The following CALR3 variants were observed in gnomAD, a reference collection of about 807,000 sequenced individuals.
CALR3 encodes calreticulin-3.
In CALR3, 39 loss-of-function variants were observed where a neutral mutation model predicts 48.7. The observed-to-expected ratio is 0.80, with a 90% CI of 0.62 to 1.05. The LOEUF is 1.05. Ranked by LOEUF, CALR3 falls within the 50% of genes least tolerant of loss-of-function variation. The probability of loss-of-function intolerance (pLI) is 0.00; values close to 1 mark genes in which losing one functional copy is unlikely to be tolerated. For missense variants in CALR3, 449 were observed against 474.7 expected, an observed-to-expected ratio of 0.95 and a Z score of 0.50; for synonymous variants, 185 against 172.7, an observed-to-expected ratio of 1.07 and a Z score of -0.56.
chr19:16,485,909 T>G (rs2093388357), intron 3 of CALR3, among the ~76,000 whole-genome samples: 2 of 152,026 alleles, frequency 1.3e-5, no homozygotes, highest in Admixed American at 1.3e-4. Flanking sequence ...TTGCCTGCCT[T>G]GGCCTCCCAA....
rs751533235 is a variant in CALR3 at position 16,485,122 on chromosome 19, C to T, written c.492+41G>A. ...ACTATTTTTTCTAAACTTAGTCTGG[C>T]AGGAGTTAACACTCATTTATTTGAA... On this transcript the variant is annotated intron_variant, in intron 4 of 8. Coordinates refer to ENST00000269881, the MANE Select transcript of CALR3 (RefSeq NM_145046.5). The T allele has an allele frequency of 4.6e-6, 6 of 1,304,232 alleles. No homozygotes were observed. The South Asian group carries it at 5.9e-5, about 13-fold the overall frequency. The allele number at this position is 1,304,232 out of a possible 1,614,324, so 80.8% of individuals were successfully genotyped here. A position where few individuals can be genotyped will look rare whatever the true frequency, so the allele number is the denominator to read the frequency against.
Position 16,480,618 on chromosome 19 carries a change from G to T in CALR3, c.1007C>A (p.Thr336Asn), listed in dbSNP as rs761312779. The T allele has an allele frequency of 3.1e-6, 5 of 1,608,254 alleles. No individual in the cohort carries two copies. Among genetic ancestry groups the T allele is most frequent in the Admixed American group, 1.7e-5 (1 of 59,968 alleles). The change falls in exon 8 of 9, where the codon ACC (threonine) becomes AAC (asparagine). Residue 336 changes from threonine to asparagine, a missense_variant. Coordinates refer to ENST00000269881, the MANE Select transcript of CALR3 (RefSeq NM_145046.5). ...DNFGKATWGE[T>N]KGPEREMDAI... is the part of the protein sequence containing the mutation. The stretch of plus-strand genomic sequence containing the variant: ...AGTTAATCACGTGCTTCATACCTTG[G>T]TTTCGCCCCAGGTGGCCTTGCCAAA...
At chr19:16,488,337 C>T (rs1599720091) in intron 3 of CALR3, among the ~76,000 whole-genome samples, 1 of 152,124 alleles carries the variant, frequency 6.6e-6, no homozygotes, top group African/African-American at 2.4e-5. Context: ...TCCTGCCTGG[C>T]CTCCCAAAAG....
intron 5 of CALR3, among the ~76,000 whole-genome samples, chr19:16,483,022 T>A (rs1235470337): frequency 6.6e-6 from 1 of 151,972 alleles, no homozygotes; most frequent in Non-Finnish European, 1.5e-5. Flanking sequence ...TATTTTTATG[T>A]TTTGTACAGT....
Position 16,495,813 on chromosome 19 carries a change from G to C in CALR3, c.131C>G (p.Ser44Cys), listed in dbSNP as rs2093407133. 6.2e-7 allele frequency: 1 copy of C among 1,614,022 alleles called. No homozygotes were observed. The highest frequency in any genetic ancestry group is 1.3e-5 in the African/African-American group (1 of 74,906). The change falls in exon 2 of 9, where the codon TCC becomes TGC. Residue 44 changes from serine (S) to cysteine (C), a missense_variant. Physicochemically the swap from Ser to Cys is moderately radical, Grantham distance 112. Transcript: ENST00000269881. Reference sequence around the variant, plus strand: ...CGAAAGTCTAAAATGCCCAAATCGGGAGTCATTGGTGGACTGCAACCATCG... The same window carrying C: ...CGAAAGTCTAAAATGCCCAAATCGGCAGTCATTGGTGGACTGCAACCATCG... ...RNRWLQSTND[S>C]RFGHFRLSSG...
chr19:16,493,613 G>C (rs929840268), intron 2 of CALR3, among the ~76,000 whole-genome samples: 1 of 138,982 alleles, frequency 7.2e-6, no homozygotes, highest in African/African-American at 2.7e-5. Flanking sequence ...GTAGTGGCAC[G>C]ATCTCGACTC....
Position 16,482,387 on chromosome 19 carries a change from A to G in CALR3, c.918+63T>C, listed in dbSNP as rs11670231. On this transcript the variant is annotated intron_variant, in intron 7 of 8. Transcript: ENST00000269881. ...GAATGAGACCCTGTCTCAACAAAAC[A>G]AAACAAAACAAAACAAAACACACAC... 2.3e-4 allele frequency: 349 copies of G among 1,485,566 alleles called. 4 individuals are homozygous for G. In the South Asian group the frequency reaches 3.3e-3, roughly 14 times the overall value. The allele number at this position is 1,485,566 out of a possible 1,614,324, so 92.0% of individuals were successfully genotyped here.
chr19:16,485,980 T>C (rs1014750286), intron 3 of CALR3, among the ~76,000 whole-genome samples: 2 of 152,144 alleles, frequency 1.3e-5, no homozygotes, highest in African/African-American at 4.8e-5. Flanking sequence ...ATCTTATTAT[T>C]GTTGTTAAAG....
intron 2 of CALR3, among the ~76,000 whole-genome samples, chr19:16,493,542 A>ATT (rs3032114): frequency 8.2e-5 from 6 of 72,922 alleles, no homozygotes; most frequent in African/African-American, 2.6e-4. Context: ...TGAAGCTAGA[A>ATT]TTTTTTTTTT....
In CALR3 at chr19:16,483,978, G is replaced by A; in HGVS notation, c.630C>T (p.Ser210=). The A allele has an allele frequency of 6.2e-7, 1 of 1,613,928 alleles. No homozygotes were observed. The highest frequency in any genetic ancestry group is 1.1e-5 in the South Asian group (1 of 91,070). Residue 210 remains serine, a synonymous_variant, in exon 5 of 9, where the codon TCC becomes TCT. Transcript: ENST00000269881. ...GTTCCCAATCCTTCGATTCTGCCGG[G>A]GACGTTTCCTTCTTGAGTGATGTTA... ...WNLTSLKKET[S]PAESKDWEQT...
intron 7 of CALR3, among the ~76,000 whole-genome samples, chr19:16,481,186 A>G (rs2093380157): frequency 6.6e-6 from 1 of 151,972 alleles, no homozygotes; most frequent in South Asian, 2.1e-4. Context: ...GGCTCATGTG[A>G]TGGTCCCACT....
At chr19:16,495,916 G>C (rs140986966) in intron 1 of CALR3, 64 bp from the exon 2 acceptor site, 2 of 1,579,198 alleles carry the variant, frequency 1.3e-6, no homozygotes, top group Non-Finnish European at 1.7e-6. Context: ...TAAGGGAAGG[G>C]TGAAGGGGAC....
chr19:16,483,194 C>T (rs192876119), intron 5 of CALR3, among the ~76,000 whole-genome samples: 3 of 152,164 alleles, frequency 2.0e-5, no homozygotes, highest in African/African-American at 7.2e-5. Flanking sequence ...GTGGCAGGCA[C>T]AGGCTGGTGA....
chr19:16,495,894 G>C (rs759970793), intron 1 of CALR3, 42 bp from the exon 2 acceptor site: 15 of 1,595,792 alleles, frequency 9.4e-6, no homozygotes, highest in Non-Finnish European at 1.1e-5. Flanking sequence ...GGTGATAATG[G>C]TTAATTTGGG....
intron 7 of CALR3, among the ~76,000 whole-genome samples, chr19:16,481,471 G>GTT (rs71178696): frequency 5.1e-4 from 41 of 79,674 alleles, no homozygotes; most frequent in Admixed American, 1.4e-3. Flanking sequence ...GTCTCGCTCT[G>GTT]TTTTTTTTTT....
At chr19:16,495,204 C>T (rs190661591) in intron 2 of CALR3, among the ~76,000 whole-genome samples, 8 of 135,958 alleles carry the variant, frequency 5.9e-5, no homozygotes, top group Middle Eastern at 4.5e-3. Flanking sequence ...CTAGCCTAGG[C>T]GACAGAGCGA....
chr19:16,492,700 T>TA (rs544573583), intron 2 of CALR3, among the ~76,000 whole-genome samples: 3,404 of 143,022 alleles, frequency 0.024, 92 homozygotes, highest in Admixed American at 0.088. Context: ...CTGTCTCTAC[T>TA]AAAAAAAAAA....
chr19:16,494,196 G>A (rs1204591763), intron 2 of CALR3, among the ~76,000 whole-genome samples: 3 of 151,998 alleles, frequency 2.0e-5, no homozygotes, highest in Admixed American at 2.0e-4. Flanking sequence ...AATTAGCTGG[G>A]ATTATAGTTG....
chr19:16,494,227 A>T (rs2093402233), intron 2 of CALR3, among the ~76,000 whole-genome samples: 1 of 151,860 alleles, frequency 6.6e-6, no homozygotes, highest in Admixed American at 6.6e-5. Flanking sequence ...CACTTGGCTA[A>T]CTTTTTTGTA....
Sources: allele counts gnomAD v4.1 joint callset (sites outside exome capture counted in the v4.1 genomes callset), GRCh38; gene constraint gnomAD v4.1.1; transcripts MANE v1.5; gene names NCBI Gene and HGNC (gene_info 2026-07-23, HGNC 2026-07-21).